The following SGPP1 variants were observed in gnomAD, a reference collection of about 807,000 sequenced individuals.
SGPP1 encodes the protein sphingosine-1-phosphate phosphatase 1.
Under a neutral mutation model 33.0 loss-of-function variants are expected in SGPP1, and 21 were observed. That is an observed-to-expected ratio of 0.64 (90% CI 0.45 to 0.92). SGPP1 has a LOEUF of 0.92. Ranked by LOEUF, SGPP1 falls within the 40% of genes least tolerant of loss-of-function variation. The pLI is 0.00. For missense variants in SGPP1, 543 were observed against 589.4 expected (o/e 0.92, Z 0.81); for synonymous variants, 239 against 241.2 (o/e 0.99, Z 0.08).
At chr14:63,708,226 G>T (rs1885453522) in intron 1 of SGPP1, among the ~76,000 whole-genome samples, 2 of 139,302 alleles carry the variant, frequency 1.4e-5, no homozygotes, top group African/African-American at 5.3e-5. Flanking sequence ...TTTTTTCTTG[G>T]TACTCACTGG....
intron 1 of SGPP1, among the ~76,000 whole-genome samples, chr14:63,705,612 G>A (rs1249008915): frequency 6.6e-6 from 1 of 151,988 alleles, no homozygotes; most frequent in Non-Finnish European, 1.5e-5. Context: ...AGGTTCCCAC[G>A]AGCCAAGATC....
At chr14:63,720,685 G>A (rs1885752817) in intron 1 of SGPP1, among the ~76,000 whole-genome samples, 2 of 152,050 alleles carry the variant, frequency 1.3e-5, no homozygotes, top group Admixed American at 1.3e-4. Context: ...ACTTGAACCT[G>A]GGAGCCGGAG....
rs1885921764 is a variant in SGPP1 at position 63,727,780 on chromosome 14, C to T, written c.165G>A (p.Leu55=). The T allele has an allele frequency of 1.3e-6, 2 of 1,499,478 alleles. No homozygotes were observed. The highest frequency in any genetic ancestry group is 1.5e-5 in the African/African-American group (1 of 68,932). 92.9% of individuals were successfully genotyped at this position (1,499,478 alleles called of 1,614,324 possible). ...AEAPLAGDPR[L]RGRQPGAPGG... is the part of the protein sequence containing the mutation. ...CAGGCGCCCCTGGCTGCCGCCCTCG[C>T]AGTCGAGGGTCTCCGGCGAGAGGCG... is the stretch of plus-strand genomic sequence containing the variant. Residue 55 remains leucine, a synonymous_variant, in exon 1 of 3, where the codon CTG becomes CTA. Coordinates refer to ENST00000247225, the MANE Select transcript of SGPP1 (RefSeq NM_030791.4).
intron 1 of SGPP1, among the ~76,000 whole-genome samples, chr14:63,721,709 T>C (rs1885774397): frequency 6.6e-6 from 1 of 152,196 alleles, no homozygotes; most frequent in Non-Finnish European, 1.5e-5. Flanking sequence ...TCTTCTTCTA[T>C]TATTTACAGT....
intron 1 of SGPP1, among the ~76,000 whole-genome samples, chr14:63,722,493 T>G (rs892683164): frequency 2.0e-5 from 3 of 151,388 alleles, no homozygotes; most frequent in African/African-American, 7.3e-5. Flanking sequence ...ATCGCACCAC[T>G]GCACTCCAGC....
chr14:63,724,260 A>G (rs1456089120), intron 1 of SGPP1, among the ~76,000 whole-genome samples: 1 of 152,146 alleles, frequency 6.6e-6, no homozygotes, highest in Non-Finnish European at 1.5e-5. Context: ...GTGAATCTTG[A>G]GCAAATTTCA....
chr14:63,716,356 T>G (rs910525042), intron 1 of SGPP1, among the ~76,000 whole-genome samples: 1 of 151,780 alleles, frequency 6.6e-6, no homozygotes, highest in South Asian at 2.1e-4. Flanking sequence ...TACCTGGGTG[T>G]GGTGGCGAGC....
chr14:63,691,744 A>C (rs903265889), intron 2 of SGPP1, among the ~76,000 whole-genome samples: 3 of 152,206 alleles, frequency 2.0e-5, no homozygotes, highest in Non-Finnish European at 4.4e-5. Flanking sequence ...AGTGATTCTG[A>C]TGTACACCCT....
chr14:63,714,601 T>G (rs1885582839), intron 1 of SGPP1, among the ~76,000 whole-genome samples: 1 of 151,982 alleles, frequency 6.6e-6, no homozygotes, highest in Admixed American at 6.6e-5. Flanking sequence ...TTAAATTTTG[T>G]GTAGAGAAAG....
intron 1 of SGPP1, among the ~76,000 whole-genome samples, chr14:63,721,966 A>T (rs1885780508): frequency 6.6e-6 from 1 of 152,208 alleles, no homozygotes. Flanking sequence ...ATATTTCAAA[A>T]ATAATATTAC....
intron 1 of SGPP1, among the ~76,000 whole-genome samples, chr14:63,719,744 T>C (rs1885730113): frequency 6.6e-6 from 1 of 151,592 alleles, no homozygotes; most frequent in Non-Finnish European, 1.5e-5. Context: ...TCTCTATATA[T>C]ATATAGAATT....
chr14:63,705,111 G>T (rs1432689063), intron 1 of SGPP1, among the ~76,000 whole-genome samples: 8 of 151,268 alleles, frequency 5.3e-5, no homozygotes, highest in South Asian at 4.2e-4. Flanking sequence ...TGGGTGACAG[G>T]GCGAGACTCT....
chr14:63,716,560 G>A (rs754453736), intron 1 of SGPP1, among the ~76,000 whole-genome samples: 1 of 151,954 alleles, frequency 6.6e-6, no homozygotes, highest in Non-Finnish European at 1.5e-5. Flanking sequence ...AGGCATGGTG[G>A]CACACACCTG....
intron 1 of SGPP1, among the ~76,000 whole-genome samples, chr14:63,700,699 T>C (rs1169773101): frequency 6.6e-6 from 1 of 152,108 alleles, no homozygotes; most frequent in Non-Finnish European, 1.5e-5. Flanking sequence ...AAAGAGAACA[T>C]GTGTTGAAGA....
intron 2 of SGPP1, among the ~76,000 whole-genome samples, chr14:63,689,657 G>A (rs185595062): frequency 1.5e-4 from 23 of 152,134 alleles, no homozygotes; most frequent in African/African-American, 5.3e-4. Context: ...TTAGCCGGGT[G>A]TGGTGGCACA....
At chr14:63,713,277 C>T (rs1258983732) in intron 1 of SGPP1, among the ~76,000 whole-genome samples, 1 of 152,210 alleles carries the variant, frequency 6.6e-6, no homozygotes, top group Non-Finnish European at 1.5e-5. Flanking sequence ...ACTACTACTT[C>T]TCAGCTTGCC....
At chr14:63,708,766 C>A (rs1885467655) in intron 1 of SGPP1, among the ~76,000 whole-genome samples, 5 of 152,102 alleles carry the variant, frequency 3.3e-5, no homozygotes, top group Admixed American at 3.3e-4. Context: ...TCAGAACAAC[C>A]ATATGGCGTA....
intron 2 of SGPP1, among the ~76,000 whole-genome samples, chr14:63,690,728 T>G (rs930969815): frequency 1.3e-5 from 2 of 152,240 alleles, no homozygotes; most frequent in African/African-American, 4.8e-5. Flanking sequence ...TTTATTTATA[T>G]GAGACTGAGT....
At chr14:63,694,753 C>T (rs988642999) in intron 2 of SGPP1, among the ~76,000 whole-genome samples, 2 of 151,940 alleles carry the variant, frequency 1.3e-5, no homozygotes, top group African/African-American at 4.8e-5. Context: ...TTAAAGGTAA[C>T]AAAGAGCTCA....
Sources: gnomAD v4.1 joint callset for allele counts (sites outside exome capture counted in the v4.1 genomes callset) on GRCh38, gnomAD v4.1.1 for gene constraint, MANE v1.5 for transcripts, NCBI Gene and HGNC (gene_info 2026-07-23, HGNC 2026-07-21) for gene names.